RMDN2: variants seen among roughly 807,000 people sequenced by gnomAD.
RMDN2 encodes the protein regulator of microtubule dynamics 2.
Under a neutral mutation model 52.8 loss-of-function variants are expected in RMDN2, and 61 were observed. That is an observed-to-expected ratio of 1.16 (90% CI 0.94 to 1.43). RMDN2 has a LOEUF of 1.43. RMDN2 is among the 40% of genes most tolerant of loss of function. The pLI, the probability that RMDN2 is intolerant of heterozygous loss-of-function variation, is 0.00. For synonymous variants in RMDN2, 180 were observed against 153.1 expected (o/e 1.18, Z -1.30); for missense variants, 592 against 475.3 (o/e 1.25, Z -2.28).
At chr2:38,052,282 G>A (rs1438811647) in intron 10 of RMDN2, among the ~76,000 whole-genome samples, 1 of 152,148 alleles carries the variant, frequency 6.6e-6, no homozygotes, top group African/African-American at 2.4e-5. Context: ...TAGTGATGTT[G>A]AGAATGTTTT....
intron 2 of RMDN2, chr2:37,951,475 A>C (rs1225792902): frequency 2.5e-6 from 4 of 1,612,308 alleles, no homozygotes; most frequent in Non-Finnish European, 3.4e-6. Flanking sequence ...CAAAAAAGAA[A>C]TGCTTCCCCT....
chr2:37,975,915 T>C (rs1403242640), intron 4 of RMDN2, among the ~76,000 whole-genome samples: 1 of 152,214 alleles, frequency 6.6e-6, no homozygotes, highest in East Asian at 1.9e-4. Context: ...ATTTCATCTT[T>C]TAACTTTATA....
chr2:37,989,664 G>A, intron 6 of RMDN2, 48 bp downstream of exon 6: 1 of 1,212,474 alleles, frequency 8.2e-7, no homozygotes, highest in Non-Finnish European at 1.2e-6. Context: ...CAGACATATG[G>A]AAGGGTATTT....
At chr2:38,019,536 T>G (rs1206650615), downstream of RMDN2, among the ~76,000 whole-genome samples, 1 of 152,218 alleles carries the variant, frequency 6.6e-6, no homozygotes, top group Non-Finnish European at 1.5e-5. Flanking sequence ...ACATTTGGCC[T>G]TTTCTCCAAA....
At position 38,001,495 on chromosome 2, in the gene RMDN2, G is replaced by A. The variant is rs950061759; in HGVS notation, c.1045-2496G>A. Among the ~76,000 whole-genome samples the A allele has an allele frequency of 6.6e-5, 10 of 152,216 alleles. No homozygotes were observed. The South Asian group carries it at 1.9e-3, about 28-fold the overall frequency. ...GTTAGTTGCCTGTCTGTGTTCTGTT[G>A]GGCTTCAGATTTTTAAACCATGAGA... On this transcript the variant is annotated intron_variant, in intron 8 of 10. Transcript: ENST00000354545.
intron 10 of RMDN2, among the ~76,000 whole-genome samples, chr2:38,063,455 G>C (rs1428722203): frequency 6.6e-6 from 1 of 152,170 alleles, no homozygotes; most frequent in Non-Finnish European, 1.5e-5. Flanking sequence ...AACCCTAGAA[G>C]AAAACTTAGG....
intron 10 of RMDN2, among the ~76,000 whole-genome samples, chr2:38,051,154 T>C (rs967441558): frequency 2.0e-5 from 3 of 152,204 alleles, no homozygotes; most frequent in Admixed American, 1.3e-4. Context: ...GAAACCTCAA[T>C]AAATCAGGCT....
At chr2:38,004,878 G>T (rs1676852835) in intron 10 of RMDN2, among the ~76,000 whole-genome samples, 1 of 151,492 alleles carries the variant, frequency 6.6e-6, no homozygotes, top group Non-Finnish European at 1.5e-5. Flanking sequence ...GCCCCGGTGT[G>T]TGATGTTCCC....
intron 2 of RMDN2, among the ~76,000 whole-genome samples, chr2:37,972,230 C>G (rs1671899375): frequency 6.6e-6 from 1 of 152,044 alleles, no homozygotes; most frequent in Non-Finnish European, 1.5e-5. Flanking sequence ...TCCTATTAAT[C>G]AAAATTTGTA....
chr2:38,033,396 A>G (rs1487325293), intron 10 of RMDN2, among the ~76,000 whole-genome samples: 1 of 152,146 alleles, frequency 6.6e-6, no homozygotes, highest in Non-Finnish European at 1.5e-5. Context: ...GATTAAGCCT[A>G]TGGTCTCAGA....
intron 5 of RMDN2, among the ~76,000 whole-genome samples, chr2:37,986,195 A>C (rs1673992007): frequency 6.6e-6 from 1 of 152,208 alleles, no homozygotes; most frequent in African/African-American, 2.4e-5. Flanking sequence ...TTGTTCCCCA[A>C]ACTGGAACTC....
At chr2:37,997,255 C>G (rs1027835885) in intron 7 of RMDN2, among the ~76,000 whole-genome samples, 161 bp from the exon 8 acceptor site, 3 of 152,036 alleles carry the variant, frequency 2.0e-5, no homozygotes, top group African/African-American at 4.8e-5. Context: ...GGTGGTATCT[C>G]TAATATATAT....
At chr2:37,983,667 A>G (rs1322706046) in intron 5 of RMDN2, among the ~76,000 whole-genome samples, 1 of 152,214 alleles carries the variant, frequency 6.6e-6, no homozygotes, top group Admixed American at 6.5e-5. Flanking sequence ...GGGATGAAAA[A>G]AGAAATTTAA....
At chr2:37,923,974 T>C (rs1236770586), upstream of RMDN2, among the ~76,000 whole-genome samples, 1 of 152,214 alleles carries the variant, frequency 6.6e-6, no homozygotes. Flanking sequence ...GGTCACGAAC[T>C]CCTGGCCTCA....
intron 10 of RMDN2, among the ~76,000 whole-genome samples, chr2:38,023,968 A>G (rs1679581761): frequency 6.6e-6 from 1 of 152,098 alleles, no homozygotes; most frequent in Admixed American, 6.5e-5. Context: ...CCCCATTCCA[A>G]ATAACAACTG....
At position 38,037,696 on chromosome 2, in the gene RMDN2, G is replaced by C. The variant is rs560845125; in HGVS notation, c.1714-29286G>C. Among the ~76,000 whole-genome samples the C allele has an allele frequency of 7.9e-5, 12 of 152,364 alleles. No individual in the cohort carries two copies. In the East Asian group the frequency reaches 1.2e-3, roughly 15 times the overall value. ...ATTCCCATTTTTAGTGTGAAAGTGT[G>C]TTCGGCTTCCCGTTGGCTATTGGGA... On this transcript the variant is annotated intron_variant, in intron 10 of 10. Coordinates refer to the RMDN2 transcript ENST00000234195.
intron 10 of RMDN2, among the ~76,000 whole-genome samples, chr2:38,025,846 G>C (rs1679742332): frequency 6.6e-6 from 1 of 151,906 alleles, no homozygotes; most frequent in African/African-American, 2.4e-5. Context: ...TTGTATCAGT[G>C]GGTTTACTAA....
intron 2 of RMDN2, among the ~76,000 whole-genome samples, chr2:37,973,330 A>G (rs1672041834): frequency 6.6e-6 from 1 of 152,238 alleles, no homozygotes; most frequent in African/African-American, 2.4e-5. Flanking sequence ...ATCTTGAACT[A>G]TAAATATGTG....
rs1376025925 is a variant in RMDN2 at position 38,005,022 on chromosome 2, A to G, written c.1179+806A>G. 3.3e-5 allele frequency among the ~76,000 whole-genome samples: 5 copies of G among 152,284 alleles called. No individual in the cohort carries two copies. The East Asian group carries it at 7.7e-4, about 24-fold the overall frequency. ...CTTCATCCATGTCCCTACAAAGGAC[A>G]TGAACTCATCATTTTTTATGGCTGC... On this transcript the variant is annotated intron_variant, in intron 10 of 10. Coordinates refer to ENST00000354545, the MANE Select transcript of RMDN2 (RefSeq NM_001170791.3).
Sources: gnomAD v4.1 joint callset for allele counts (sites outside exome capture counted in the v4.1 genomes callset) on GRCh38, gnomAD v4.1.1 for gene constraint, MANE v1.5 for transcripts, NCBI Gene and HGNC (gene_info 2026-07-23, HGNC 2026-07-21) for gene names.